The following ARHGAP28 variants were observed in gnomAD, a reference collection of about 807,000 sequenced individuals.
The protein encoded by ARHGAP28 is rho GTPase-activating protein 28.
In ARHGAP28, 56 loss-of-function variants were observed where a neutral mutation model predicts 90.7. The ratio of observed to expected loss-of-function variants is 0.62; its 90% confidence interval spans 0.50 to 0.77. ARHGAP28 has a LOEUF of 0.77. Among genes scored for constraint, ARHGAP28 ranks in the 30% least tolerant of loss-of-function variants. The pLI, the probability that ARHGAP28 is intolerant of heterozygous loss-of-function variation, is 0.00. For synonymous variants in ARHGAP28, 308 were observed against 323.3 expected (o/e 0.95, Z 0.51); for missense variants, 869 against 900.9 (o/e 0.96, Z 0.45).
At chr18:6,885,750 CA>C (rs1387160874) in intron 11 of ARHGAP28, among the ~76,000 whole-genome samples, 1 of 150,826 alleles carries the variant, frequency 6.6e-6, no homozygotes. Flanking sequence ...AATGGAAACA[CA>C]GTGGTCCCAA....
At chr18:6,784,713 T>C (rs2056353034) in intron 1 of ARHGAP28, among the ~76,000 whole-genome samples, 2 of 152,204 alleles carry the variant, frequency 1.3e-5, no homozygotes. Flanking sequence ...CAAAATGATG[T>C]GGAAACAAAG....
intron 1 of ARHGAP28, among the ~76,000 whole-genome samples, chr18:6,803,328 T>C (rs1451119304): frequency 1.3e-5 from 2 of 152,204 alleles, no homozygotes; most frequent in Non-Finnish European, 2.9e-5. Context: ...TTTTCCCATA[T>C]ATTGCGATGA....
chr18:6,865,750 A>C (rs765773614), intron 5 of ARHGAP28, among the ~76,000 whole-genome samples: 1 of 152,190 alleles, frequency 6.6e-6, no homozygotes, highest in Non-Finnish European at 1.5e-5. Context: ...GGCTCCTACA[A>C]TTTAAAATTT....
At chr18:6,741,202 T>C (rs913787066) in intron 1 of ARHGAP28, among the ~76,000 whole-genome samples, 1 of 152,234 alleles carries the variant, frequency 6.6e-6, no homozygotes, top group Non-Finnish European at 1.5e-5. Context: ...AAGCAATTAA[T>C]GAGGGAAAGA....
At chr18:6,802,455 C>A (rs1041769682) in intron 1 of ARHGAP28, among the ~76,000 whole-genome samples, 1 of 134,544 alleles carries the variant, frequency 7.4e-6, no homozygotes, top group Admixed American at 9.2e-5. Flanking sequence ...AATTAATTTT[C>A]CTGCTTCAGC....
At chr18:6,884,202 G>A (rs561466237) in intron 11 of ARHGAP28, among the ~76,000 whole-genome samples, 2 of 151,922 alleles carry the variant, frequency 1.3e-5, no homozygotes, top group Non-Finnish European at 2.9e-5. Flanking sequence ...GTGAAACCCC[G>A]TCTCTACTAA....
At chr18:6,858,426 G>A (rs909856944) in intron 4 of ARHGAP28, among the ~76,000 whole-genome samples, 4 of 151,868 alleles carry the variant, frequency 2.6e-5, no homozygotes, top group African/African-American at 4.8e-5. Context: ...GGAATTCTTC[G>A]TTGGTTTCCA....
rs754944483 is a variant in ARHGAP28 at position 6,824,846 on chromosome 18, A to G, written c.207A>G (p.Ser69=). The G allele has an allele frequency of 7.8e-6, 12 of 1,536,514 alleles. No homozygotes were observed. In the South Asian group the frequency reaches 1.4e-4, roughly 18 times the overall value. Residue 69 remains serine, a synonymous_variant, in exon 2 of 18, where the codon TCA becomes TCG. Coordinates refer to ENST00000383472, the MANE Select transcript of ARHGAP28 (RefSeq NM_001366230.1). The part of the protein sequence containing the change: ...LHPPAFSRSN[S]EASVDSASME... ...CTCCTGCCTTCAGCCGTTCCAACTC[A>G]GAAGCCTCCGTAGACAGCGCCTCCA...
chr18:6,829,956 G>A (rs2056702322), intron 2 of ARHGAP28, among the ~76,000 whole-genome samples: 1 of 152,168 alleles, frequency 6.6e-6, no homozygotes, highest in Non-Finnish European at 1.5e-5. Context: ...TTCCATGTCT[G>A]TCTCTTACCT....
Position 6,908,999 on chromosome 18 carries a change from G to A in ARHGAP28, c.2070G>A (p.Arg690=). The A allele has an allele frequency of 6.5e-7, 1 of 1,534,950 alleles. No individual in the cohort carries two copies. The highest frequency in any genetic ancestry group is 1.1e-5 in the South Asian group (1 of 87,680). ...SSECIKIQNQ[R]LYEIGGNIGE... is the part of the protein sequence containing the mutation. ...AATGTATTAAGATTCAGAACCAAAGGTTATATGAAATTGGAGGAAATATAG... is the reference window on the plus strand; with the variant it reads ...AATGTATTAAGATTCAGAACCAAAGATTATATGAAATTGGAGGAAATATAG... Residue 690 remains arginine, a synonymous_variant, in exon 17 of 18, where the codon AGG becomes AGA. Transcript: ENST00000383472.
chr18:6,762,034 T>A (rs1472060655), intron 1 of ARHGAP28, among the ~76,000 whole-genome samples: 1 of 152,188 alleles, frequency 6.6e-6, no homozygotes, highest in African/African-American at 2.4e-5. Flanking sequence ...CACCATTATT[T>A]ACCCATTTGC....
chr18:6,900,086 A>G (rs1203966857), intron 16 of ARHGAP28, among the ~76,000 whole-genome samples: 2 of 152,164 alleles, frequency 1.3e-5, no homozygotes, highest in African/African-American at 2.4e-5. Context: ...TACACTCCCA[A>G]TTGGAGACAA....
At chr18:6,744,452 C>T (rs1340034171) in intron 1 of ARHGAP28, among the ~76,000 whole-genome samples, 2 of 151,986 alleles carry the variant, frequency 1.3e-5, no homozygotes, top group Non-Finnish European at 2.9e-5. Context: ...TCTATTTTTC[C>T]CTATTATTAA....
intron 1 of ARHGAP28, among the ~76,000 whole-genome samples, chr18:6,735,264 C>T (rs539299923): frequency 6.6e-6 from 1 of 152,276 alleles, no homozygotes; most frequent in African/African-American, 2.4e-5. Flanking sequence ...TCTTGCAAAA[C>T]CAGAATACCA....
chr18:6,824,082 C>T (rs1488222197), intron 1 of ARHGAP28, among the ~76,000 whole-genome samples: 1 of 152,162 alleles, frequency 6.6e-6, no homozygotes, highest in Non-Finnish European at 1.5e-5. Context: ...AGCAGCAACT[C>T]TTATGTCCTT....
intron 1 of ARHGAP28, among the ~76,000 whole-genome samples, chr18:6,786,509 C>T (rs953573230): frequency 1.3e-5 from 2 of 152,146 alleles, no homozygotes; most frequent in African/African-American, 4.8e-5. Context: ...TCCCAGCATT[C>T]GGGCTCCATC....
chr18:6,734,460 T>C (rs187289495), intron 1 of ARHGAP28, among the ~76,000 whole-genome samples: 132 of 152,282 alleles, frequency 8.7e-4, no homozygotes, highest in Middle Eastern at 6.8e-3. Context: ...AAAACAAATA[T>C]AGAAGCTAAC....
Position 6,881,261 on chromosome 18 carries a change from A to G in ARHGAP28, c.1291-876A>G, listed in dbSNP as rs570221483. Among the ~76,000 whole-genome samples the G allele has an allele frequency of 3.3e-5, 5 of 152,208 alleles. No individual in the cohort carries two copies. The East Asian group carries it at 7.7e-4, about 24-fold the overall frequency. On this transcript the variant is annotated intron_variant, in intron 10 of 17. Transcript: ENST00000383472. ...CAAGGCCAGAAGAATTAGGCTTCTC[A>G]TGAGAATAAAGCAGAGGTCTTAAAG...
intron 2 of ARHGAP28, 112 bp downstream of exon 2, chr18:6,825,076 T>C (rs189864257): frequency 3.0e-6 from 3 of 1,004,962 alleles, no homozygotes; most frequent in African/African-American, 3.3e-5. Flanking sequence ...AATGAATCAG[T>C]AGAATCTGGC....
Sources: allele counts gnomAD v4.1 joint callset (sites outside exome capture counted in the v4.1 genomes callset), GRCh38; gene constraint gnomAD v4.1.1; transcripts MANE v1.5; gene names NCBI Gene and HGNC (gene_info 2026-07-23, HGNC 2026-07-21).